SLC17A5: variants seen among roughly 807,000 people sequenced by gnomAD.
The protein encoded by SLC17A5 is sialin.
Under a neutral mutation model 59.4 loss-of-function variants are expected in SLC17A5, and 47 were observed. The observed-to-expected ratio is 0.79, with a 90% CI of 0.63 to 1.01. The LOEUF (loss-of-function observed/expected upper bound fraction) is 1.01. Ranked by LOEUF, SLC17A5 falls within the 50% of genes least tolerant of loss-of-function variation. The pLI, the probability that SLC17A5 is intolerant of heterozygous loss-of-function variation, is 0.00. For synonymous variants in SLC17A5, 202 were observed against 210.7 expected (o/e 0.96, Z 0.36); for missense variants, 522 against 595.5 (o/e 0.88, Z 1.28).
chr6:73,620,118 T>G (rs1363368129), intron 7 of SLC17A5, among the ~76,000 whole-genome samples: 1 of 151,988 alleles, frequency 6.6e-6, no homozygotes, highest in Non-Finnish European at 1.5e-5. Flanking sequence ...GAGATGGGGT[T>G]TCACATGTTG....
At chr6:73,601,692 T>G (rs12177757) in intron 9 of SLC17A5, among the ~76,000 whole-genome samples, 69,845 of 73,918 alleles carry the variant, frequency 0.94, 33,027 homozygotes, top group Middle Eastern at 0.99. Flanking sequence ...GGAGGTGGGG[T>G]GGTCAGCCCC....
intron 8 of SLC17A5, among the ~76,000 whole-genome samples, chr6:73,613,820 T>TA (rs1319535265): frequency 2.0e-5 from 3 of 152,208 alleles, no homozygotes; most frequent in Non-Finnish European, 4.4e-5. Flanking sequence ...ATTGTGATTT[T>TA]AAAAAATATG....
chr6:73,600,982 G>A (rs964340441), intron 9 of SLC17A5, among the ~76,000 whole-genome samples: 3 of 152,042 alleles, frequency 2.0e-5, no homozygotes, highest in Non-Finnish European at 4.4e-5. Context: ...GGGAAGTGAG[G>A]AGCGTCTCTG....
intron 9 of SLC17A5, among the ~76,000 whole-genome samples, chr6:73,601,429 G>A (rs1294606166): frequency 7.1e-6 from 1 of 141,262 alleles, no homozygotes; most frequent in Non-Finnish European, 1.6e-5. Context: ...TCAGCCCCGC[G>A]CCCGGCCAGC....
chr6:73,617,563 G>A (rs1287473633), intron 7 of SLC17A5, among the ~76,000 whole-genome samples: 2 of 152,198 alleles, frequency 1.3e-5, no homozygotes, highest in African/African-American at 4.8e-5. Flanking sequence ...AAAACTGCCG[G>A]CTAGGCACGG....
intron 9 of SLC17A5, among the ~76,000 whole-genome samples, chr6:73,604,136 T>C (rs947764869): frequency 6.0e-5 from 9 of 149,770 alleles, no homozygotes; most frequent in Admixed American, 1.3e-4. Context: ...GAGCCTCTCT[T>C]TTTTTTTTTT....
chr6:73,598,622 T>C (rs1332752996), intron 10 of SLC17A5, among the ~76,000 whole-genome samples: 2 of 151,902 alleles, frequency 1.3e-5, no homozygotes, highest in East Asian at 3.9e-4. Flanking sequence ...CGAGTGAGAC[T>C]TCATCTCAAA....
At chr6:73,597,628 T>C (rs546988632) in intron 10 of SLC17A5, among the ~76,000 whole-genome samples, 11 of 151,484 alleles carry the variant, frequency 7.3e-5, no homozygotes, top group Non-Finnish European at 1.5e-4. Context: ...TTACAAGAAG[T>C]AGGAAAATTA....
chr6:73,645,779 G>C (rs1215730714), intron 1 of SLC17A5, among the ~76,000 whole-genome samples: 2 of 115,734 alleles, frequency 1.7e-5, no homozygotes, highest in Admixed American at 2.3e-4. Context: ...CAGAGACAGA[G>C]ACTCCGTCTC....
chr6:73,634,705 C>G lies in SLC17A5; in HGVS notation c.819+677G>C, dbSNP rs561890766. Among the ~76,000 whole-genome samples the G allele has an allele frequency of 5.3e-5, 8 of 152,186 alleles. No individual in the cohort carries two copies. In the East Asian group the frequency reaches 1.5e-3, roughly 29 times the overall value. On this transcript the variant is annotated intron_variant, in intron 6 of 10. Coordinates refer to ENST00000355773, the MANE Select transcript of SLC17A5 (RefSeq NM_012434.5). ...GTGAGCCATCAGGCTGGCCAAGCAT[C>G]CTAAATCTTAAAATCCAAAAATCTG...
intron 6 of SLC17A5, among the ~76,000 whole-genome samples, chr6:73,622,286 A>G (rs574274533): frequency 6.8e-6 from 1 of 146,392 alleles, no homozygotes; most frequent in African/African-American, 2.6e-5. Context: ...TGATTTATCT[A>G]TTTCTTTCTT....
intron 9 of SLC17A5, among the ~76,000 whole-genome samples, chr6:73,600,968 G>A (rs910221933): frequency 6.6e-6 from 1 of 151,752 alleles, no homozygotes; most frequent in Non-Finnish European, 1.5e-5. Context: ...CCGCCACCCC[G>A]TCTGGGAAGT....
intron 6 of SLC17A5, among the ~76,000 whole-genome samples, chr6:73,629,322 A>G (rs371996886): frequency 5.8e-4 from 88 of 152,270 alleles, no homozygotes; most frequent in African/African-American, 1.9e-3. Flanking sequence ...CGGGAGGCAG[A>G]GGGAGGCTGC....
intron 6 of SLC17A5, 102 bp from the exon 7 acceptor site, chr6:73,622,064 C>A: frequency 8.9e-7 from 1 of 1,122,518 alleles, no homozygotes; most frequent in East Asian, 2.4e-5. Flanking sequence ...CAGAATATCA[C>A]CTTAATTAGT....
At chr6:73,611,292 T>G (rs1305999391) in intron 8 of SLC17A5, among the ~76,000 whole-genome samples, 1 of 152,162 alleles carries the variant, frequency 6.6e-6, no homozygotes, top group Non-Finnish European at 1.5e-5. Context: ...TCTCTCTCTT[T>G]TTTTTGAGCT....
intron 1 of SLC17A5, chr6:73,653,446 T>G (rs1769963733): frequency 1.0e-6 from 1 of 985,202 alleles, no homozygotes. Flanking sequence ...CTGGGTCCCT[T>G]GCTCAGCACT....
chr6:73,630,118 G>A (rs1209153244), intron 6 of SLC17A5, among the ~76,000 whole-genome samples: 6 of 151,430 alleles, frequency 4.0e-5, no homozygotes, highest in Admixed American at 4.0e-4. Flanking sequence ...TCAGCCTCTC[G>A]AGTAGCTGGG....
intron 1 of SLC17A5, among the ~76,000 whole-genome samples, chr6:73,647,326 T>C (rs1769629661): frequency 6.6e-6 from 1 of 152,198 alleles, no homozygotes; most frequent in South Asian, 2.1e-4. Context: ...CTACTGTAGC[T>C]TTCCAGCTAA....
intron 7 of SLC17A5, chr6:73,618,591 G>T: frequency 2.0e-6 from 1 of 490,126 alleles, no homozygotes; most frequent in Non-Finnish European, 3.9e-6. Flanking sequence ...GGAGGAAGCA[G>T]CACTAAGAGC....
Sources: allele counts gnomAD v4.1 joint callset (sites outside exome capture counted in the v4.1 genomes callset), GRCh38; gene constraint gnomAD v4.1.1; transcripts MANE v1.5; gene names NCBI Gene and HGNC (gene_info 2026-07-23, HGNC 2026-07-21).